Variants in ST7 observed in about 807,000 individuals in gnomAD.
ST7 encodes suppression of tumorigenicity 7, also known as suppressor of tumorigenicity 7 protein.
Under a neutral mutation model 78.7 loss-of-function variants are expected in ST7, and 28 were observed. That is an observed-to-expected ratio of 0.36 (90% CI 0.26 to 0.49). The LOEUF is 0.49. Among genes scored for constraint, ST7 ranks in the 20% least tolerant of loss-of-function variants. ST7 has a pLI of 0.99. For missense variants in ST7, 418 were observed against 696.0 expected, an observed-to-expected ratio of 0.60 and a Z score of 4.49; for synonymous variants, 247 against 249.6, an observed-to-expected ratio of 0.99 and a Z score of 0.10.
intron 1 of ST7, among the ~76,000 whole-genome samples, chr7:116,998,427 G>A (rs572778804): frequency 6.6e-6 from 1 of 152,346 alleles, no homozygotes; most frequent in African/African-American, 2.4e-5. Context: ...GCCTCGGCCA[G>A]CCCTGAGAGG....
At chr7:117,062,689 A>G (rs1264155865) in intron 1 of ST7, among the ~76,000 whole-genome samples, 1 of 152,236 alleles carries the variant, frequency 6.6e-6, no homozygotes, top group Admixed American at 6.5e-5. Context: ...CATTAATACA[A>G]TAGTTTATCA....
intron 1 of ST7, among the ~76,000 whole-genome samples, chr7:116,991,773 G>C (rs1295913644): frequency 2.0e-5 from 3 of 152,156 alleles, no homozygotes; most frequent in Admixed American, 2.0e-4. Flanking sequence ...AAAGTCCACA[G>C]TCCAAAGTTA....
chr7:117,217,183 A>G (rs2116125751), intron 13 of ST7, among the ~76,000 whole-genome samples: 1 of 152,194 alleles, frequency 6.6e-6, no homozygotes, highest in Non-Finnish European at 1.5e-5. Context: ...ATTCAAATTT[A>G]TAGCCACTTT....
At chr7:117,050,189 T>C (rs1797705659) in intron 1 of ST7, among the ~76,000 whole-genome samples, 1 of 145,264 alleles carries the variant, frequency 6.9e-6, no homozygotes, top group Non-Finnish European at 1.5e-5. Context: ...CACTGCAGCC[T>C]GGGCGACAGA....
chr7:117,171,933 A>G (rs1260966187), intron 10 of ST7, among the ~76,000 whole-genome samples: 1 of 149,392 alleles, frequency 6.7e-6, no homozygotes, highest in Non-Finnish European at 1.5e-5. Context: ...AGAGCAAACT[A>G]TACCATTTGG....
intron 1 of ST7, among the ~76,000 whole-genome samples, chr7:117,006,550 ATTT>A (rs1022263956): frequency 6.6e-6 from 1 of 152,320 alleles, no homozygotes; most frequent in East Asian, 1.9e-4. Context: ...TAAAGTTAAT[ATTT>A]TTCAACAAAT....
intron 1 of ST7, among the ~76,000 whole-genome samples, chr7:116,968,733 T>C (rs1455512980): frequency 6.6e-6 from 1 of 151,686 alleles, no homozygotes; most frequent in African/African-American, 2.4e-5. Context: ...AAAGGAGAAA[T>C]AAATACCAAA....
chr7:117,027,473 T>TAAAGTAAAGTAAAGTAAAGTAA (rs1796259288), intron 1 of ST7, among the ~76,000 whole-genome samples: 1 of 138,130 alleles, frequency 7.2e-6, no homozygotes, highest in African/African-American at 3.4e-5. Flanking sequence ...AAAAGTAAAG[T>TAAAGTAAAGTAAAGTAAAGTAA]AAAGTAAAGT....
chr7:117,213,728 C>T (rs1302721153), intron 13 of ST7, among the ~76,000 whole-genome samples: 1 of 152,070 alleles, frequency 6.6e-6, no homozygotes, highest in Non-Finnish European at 1.5e-5. Context: ...ACTGTCCCAG[C>T]CCCTGAAATT....
At chr7:117,222,163 C>A (rs924992243) in intron 15 of ST7, 101 bp downstream of exon 15, 3 of 1,333,864 alleles carry the variant, frequency 2.2e-6, no homozygotes, top group African/African-American at 3.0e-5. Context: ...GAAATGGGTA[C>A]GAGCCTGCAA....
At chr7:117,085,478 C>G (rs1482860388) in intron 1 of ST7, among the ~76,000 whole-genome samples, 1 of 152,166 alleles carries the variant, frequency 6.6e-6, no homozygotes, top group Non-Finnish European at 1.5e-5. Context: ...CCTTCTGTTA[C>G]CAAACAATAT....
chr7:117,027,849 A>C (rs1796288132), intron 1 of ST7, among the ~76,000 whole-genome samples: 2 of 152,200 alleles, frequency 1.3e-5, no homozygotes, highest in Non-Finnish European at 2.9e-5. Flanking sequence ...TTGACAATAA[A>C]TCCCCAGAGT....
At chr7:117,016,334 A>G (rs1795614348) in intron 1 of ST7, among the ~76,000 whole-genome samples, 2 of 152,312 alleles carry the variant, frequency 1.3e-5, no homozygotes, top group Non-Finnish European at 2.9e-5. Context: ...AGGAAGGAAC[A>G]CATTTTAGCC....
intron 1 of ST7, among the ~76,000 whole-genome samples, chr7:116,980,302 T>C (rs1014486378): frequency 1.7e-4 from 26 of 152,296 alleles, no homozygotes; most frequent in Non-Finnish European, 1.8e-4. Flanking sequence ...TTTGTTGTCA[T>C]GGAGGCCAGA....
intron 1 of ST7, among the ~76,000 whole-genome samples, chr7:117,006,013 A>G (rs1352689841): frequency 3.9e-5 from 6 of 152,224 alleles, no homozygotes; most frequent in Admixed American, 1.3e-4. Context: ...TTTCACCAGT[A>G]TCTTACATGA....
intron 1 of ST7, among the ~76,000 whole-genome samples, chr7:117,016,257 G>A (rs1795609788): frequency 6.6e-6 from 1 of 151,996 alleles, no homozygotes; most frequent in African/African-American, 2.4e-5. Flanking sequence ...TTTTGTTCCA[G>A]GGCTCTGAAA....
intron 1 of ST7, among the ~76,000 whole-genome samples, chr7:117,002,639 CTGTGTGTG>C (rs140099821): frequency 2.7e-5 from 4 of 145,830 alleles, no homozygotes; most frequent in South Asian, 2.2e-4. Context: ...GTAGTTGAGG[CTGTGTGTG>C]TGTGTGTGTG....
chr7:117,006,226 G>T (rs1795152768), intron 1 of ST7, among the ~76,000 whole-genome samples: 1 of 152,230 alleles, frequency 6.6e-6, no homozygotes, highest in Non-Finnish European at 1.5e-5. Context: ...TCAAAAGAGA[G>T]CAGTTGTTAT....
chr7:117,040,382 AG>A (rs1797144988), intron 1 of ST7, among the ~76,000 whole-genome samples: 1 of 152,128 alleles, frequency 6.6e-6, no homozygotes, highest in African/African-American at 2.4e-5. Flanking sequence ...CAAAAAAAAA[AG>A]AGTTAGAAAC....
Sources: allele counts gnomAD v4.1 joint callset (sites outside exome capture counted in the v4.1 genomes callset), GRCh38; gene constraint gnomAD v4.1.1; transcripts MANE v1.5; gene names NCBI Gene and HGNC (gene_info 2026-07-23, HGNC 2026-07-21).